Variants in ECRG4 observed in about 807,000 individuals in gnomAD.
ECRG4 encodes the protein augurin.
In ECRG4, 18 loss-of-function variants were observed where a neutral mutation model predicts 15.8. The ratio of observed to expected loss-of-function variants is 1.14; its 90% CI spans 0.79 to 1.69. The LOEUF (loss-of-function observed/expected upper bound fraction) is 1.69. Among genes scored for constraint, ECRG4 ranks in the 40% most tolerant of loss-of-function variants. The pLI, the probability that ECRG4 is intolerant of heterozygous loss-of-function variation, is 0.00. For missense variants in ECRG4, 200 were observed against 190.9 expected, an observed-to-expected ratio of 1.05 and a Z score of -0.28; for synonymous variants, 82 against 73.9, an observed-to-expected ratio of 1.11 and a Z score of -0.56.
chr2:106,070,349 G>C (rs1676335704), intron 1 of ECRG4, among the ~76,000 whole-genome samples: 1 of 152,186 alleles, frequency 6.6e-6, no homozygotes, highest in Non-Finnish European at 1.5e-5. Context: ...AGGCCAGCAG[G>C]CTCCCTGGAT....
intron 1 of ECRG4, among the ~76,000 whole-genome samples, chr2:106,067,059 C>CGGGGGGGGGGG (rs1171603168): frequency 9.4e-4 from 4 of 4,268 alleles, no homozygotes; most frequent in Admixed American, 3.0e-3. Context: ...TTTGGGAGGC[C>CGGGGGGGGGGG]GGGGGGGGGG....
intron 1 of ECRG4, chr2:106,071,003 A>G (rs1676354269): frequency 2.1e-6 from 1 of 471,296 alleles, no homozygotes; most frequent in Non-Finnish European, 4.4e-6. Flanking sequence ...CAGGCCAGAC[A>G]AGGTATTTTC....
upstream of ECRG4, chr2:106,064,432 C>G (rs574665258): frequency 6.6e-6 from 1 of 152,374 alleles, no homozygotes; most frequent in South Asian, 2.1e-4. Context: ...AATCCTAACA[C>G]TTTGGGAGGC....
intron 1 of ECRG4, among the ~76,000 whole-genome samples, chr2:106,069,310 C>A (rs13002232): frequency 8.4e-6 from 1 of 119,338 alleles, no homozygotes; most frequent in Non-Finnish European, 1.7e-5. Flanking sequence ...TCCTTCCTTC[C>A]TTCTTTCTTT....
chr2:106,078,021 T>TAGAGCAAA lies in ECRG4; in HGVS notation c.*95_*96insAGAGCAAA. 1 of 1,219,572 alleles carries TAGAGCAAA rather than the reference T, an allele frequency of 8.2e-7. No homozygotes were observed. Among genetic ancestry groups the TAGAGCAAA allele is most frequent in the Non-Finnish European group, 1.1e-6 (1 of 900,878 alleles). The allele number at this position is 1,219,572 out of a possible 1,614,324, so 75.5% of individuals were successfully genotyped here. On this transcript the variant is annotated 3_prime_UTR_variant, in exon 4 of 4. Coordinates refer to ENST00000238044, the MANE Select transcript of ECRG4 (RefSeq NM_032411.3). ...CTACTTGGTTTCTGATTTGCTCTATTTCAGCAGATCTTTTCTACCTACTTT... is the reference window on the plus strand; with the variant it reads ...CTACTTGGTTTCTGATTTGCTCTATTAGAGCAAATCAGCAGATCTTTTCTACCTACTTT...
chr2:106,065,669 G>T (rs1676192936), upstream of ECRG4: 2 of 957,142 alleles, frequency 2.1e-6, no homozygotes, highest in South Asian at 2.3e-5. Context: ...ATAACCCGCG[G>T]CCGCGCCTGC....
chr2:106,073,914 C>T lies in ECRG4; in HGVS notation c.156C>T (p.Ala52=), dbSNP rs962297240. Residue 52 remains alanine, a synonymous_variant, in exon 3 of 4, where the codon GCC becomes GCT. Coordinates refer to ENST00000238044, the MANE Select transcript of ECRG4 (RefSeq NM_032411.3). ...EAPVPTKTKV[A]VDENKAKEFL... is the part of the protein sequence containing the mutation. ...CTGTTCCAACTAAGACTAAAGTGGC[C>T]GTTGATGAGAATAAAGCCAAAGAAT... 5.0e-6 allele frequency: 8 copies of T among 1,614,164 alleles called. No individual in the cohort carries two copies. Among genetic ancestry groups the T allele is most frequent in the African/African-American group, 2.7e-5 (2 of 75,028 alleles).
At chr2:106,065,362 G>A (rs1251254215), upstream of ECRG4, among the ~76,000 whole-genome samples, 2 of 152,134 alleles carry the variant, frequency 1.3e-5, no homozygotes, top group Non-Finnish European at 2.9e-5. Context: ...CCCTCTGAGT[G>A]GCCAGGGGGC....
intron 1 of ECRG4, among the ~76,000 whole-genome samples, chr2:106,071,592 A>G (rs1676374867): frequency 6.6e-6 from 1 of 152,212 alleles, no homozygotes; most frequent in African/African-American, 2.4e-5. Flanking sequence ...AAAGAACAGC[A>G]TCACTCTGAC....
At chr2:106,070,137 T>C (rs1399319315) in intron 1 of ECRG4, among the ~76,000 whole-genome samples, 1 of 152,160 alleles carries the variant, frequency 6.6e-6, no homozygotes, top group Non-Finnish European at 1.5e-5. Context: ...TGGGAGGCCA[T>C]GTAATTTATC....
chr2:106,065,923 A>G (rs1323161684), intron 1 of ECRG4, 80 bp downstream of exon 1: 49 of 1,275,560 alleles, frequency 3.8e-5, no homozygotes, highest in Non-Finnish European at 5.1e-5. Flanking sequence ...GCCCGGGGAG[A>G]GCGATCGGTG....
chr2:106,076,888 T>A (rs908760958), intron 3 of ECRG4, among the ~76,000 whole-genome samples: 1 of 152,204 alleles, frequency 6.6e-6, no homozygotes, highest in Admixed American at 6.5e-5. Context: ...TCTCTTGCGA[T>A]GTCCTGAGCA....
At chr2:106,065,353 CCT>C (rs1676185854), upstream of ECRG4, among the ~76,000 whole-genome samples, 1 of 152,116 alleles carries the variant, frequency 6.6e-6, no homozygotes. Flanking sequence ...GCAAGTCCTC[CCT>C]CTGAGTGGCC....
chr2:106,067,928 G>A (rs531307589), intron 1 of ECRG4, among the ~76,000 whole-genome samples: 23 of 148,930 alleles, frequency 1.5e-4, no homozygotes, highest in Admixed American at 4.0e-4. Context: ...TTGATCTCCC[G>A]GACTCAAGCA....
Position 106,078,038 on chromosome 2 carries a change from A to G in ECRG4, c.*112A>G, listed in dbSNP as rs936857677. The G allele has an allele frequency of 9.7e-6, 10 of 1,030,176 alleles. No homozygotes were observed. The African/African-American group carries it at 1.6e-4, about 17-fold the overall frequency. 63.8% of individuals were successfully genotyped at this position (1,030,176 alleles called of 1,614,324 possible). A position where few individuals can be genotyped will look rare whatever the true frequency, so the allele number is the denominator to read the frequency against. ...TGCTCTATTTCAGCAGATCTTTTCT[A>G]CCTACTTTGTGTGATCAAAAAAGAA... On this transcript the variant is annotated 3_prime_UTR_variant, in exon 4 of 4. Transcript: ENST00000238044.
intron 3 of ECRG4, among the ~76,000 whole-genome samples, chr2:106,075,734 A>G (rs1676474284): frequency 1.3e-5 from 2 of 151,880 alleles, no homozygotes; most frequent in African/African-American, 4.9e-5. Context: ...AAAAGAAAAA[A>G]AAAAGAGAGT....
intron 1 of ECRG4, among the ~76,000 whole-genome samples, chr2:106,070,261 C>T (rs941529528): frequency 4.6e-5 from 7 of 152,166 alleles, no homozygotes; most frequent in African/African-American, 1.7e-4. Context: ...CCACCCTACC[C>T]GTGAATTAGA....
chr2:106,075,573 A>C (rs79404957), intron 3 of ECRG4, among the ~76,000 whole-genome samples: 57 of 152,158 alleles, frequency 3.7e-4, no homozygotes, highest in Non-Finnish European at 6.9e-4. Flanking sequence ...AATACAAAAA[A>C]TTAGCCAGGT....
chr2:106,069,115 TTCTTTCTTCCTTTC>T (rs1225603527), intron 1 of ECRG4, among the ~76,000 whole-genome samples: 5 of 123,210 alleles, frequency 4.1e-5, no homozygotes, highest in Admixed American at 8.5e-5. Context: ...TTCCTTCTTT[TTCTTTCTTCCTTTC>T]TCTTTCTTTC....
Sources: allele counts gnomAD v4.1 joint callset (sites outside exome capture counted in the v4.1 genomes callset), GRCh38; gene constraint gnomAD v4.1.1; transcripts MANE v1.5; gene names NCBI Gene and HGNC (gene_info 2026-07-23, HGNC 2026-07-21).